LHCGR: variants seen among roughly 807,000 people sequenced by gnomAD.
The protein encoded by LHCGR is luteinizing hormone/choriogonadotropin receptor.
Under a neutral mutation model 60.7 loss-of-function variants are expected in LHCGR, and 55 were observed. The observed-to-expected ratio is 0.91, with a 90% confidence interval of 0.73 to 1.13. LHCGR has a LOEUF of 1.13. Among genes scored for constraint, LHCGR ranks in the 50% most tolerant of loss-of-function variants. The pLI is 0.00. For synonymous variants in LHCGR, 337 were observed against 316.5 expected (o/e 1.06, Z -0.69); for missense variants, 862 against 836.0 (o/e 1.03, Z -0.38).
chr2:48,718,440 CTTCTATAGTTTCCTT>C (rs1438668460), intron 6 of LHCGR, among the ~76,000 whole-genome samples: 1 of 152,144 alleles, frequency 6.6e-6, no homozygotes, highest in Non-Finnish European at 1.5e-5. Context: ...ATTAGACATT[CTTCTATAGTTTCCTT>C]TTGGATCACC....
chr2:48,748,131 A>G (rs1315914840), intron 1 of LHCGR, among the ~76,000 whole-genome samples: 1 of 152,040 alleles, frequency 6.6e-6, no homozygotes, highest in Non-Finnish European at 1.5e-5. Flanking sequence ...CTTGTTTATA[A>G]CCTTTATCTA....
At chr2:48,747,207 G>C (rs750040875) in intron 1 of LHCGR, among the ~76,000 whole-genome samples, 2 of 151,930 alleles carry the variant, frequency 1.3e-5, no homozygotes, top group Admixed American at 1.3e-4. Flanking sequence ...TCCTGCCTCA[G>C]CCTCCCAAGT....
chr2:48,752,514 C>T (rs530507558), intron 1 of LHCGR, among the ~76,000 whole-genome samples: 1 of 135,644 alleles, frequency 7.4e-6, no homozygotes, highest in East Asian at 2.1e-4. Context: ...AGACTTACCT[C>T]ATAATTTAAG....
At chr2:48,750,126 T>A (rs988805515) in intron 1 of LHCGR, among the ~76,000 whole-genome samples, 1 of 152,140 alleles carries the variant, frequency 6.6e-6, no homozygotes, top group African/African-American at 2.4e-5. Flanking sequence ...CTTTCTTAAT[T>A]CTGAGATTTT....
chr2:48,743,977 A>G (rs2103701363), intron 1 of LHCGR, among the ~76,000 whole-genome samples: 1 of 147,206 alleles, frequency 6.8e-6, no homozygotes, highest in African/African-American at 2.6e-5. Flanking sequence ...CCTTAAGCTG[A>G]TAAGCAACTT....
At chr2:48,702,474 C>T (rs1667461367) in intron 8 of LHCGR, among the ~76,000 whole-genome samples, 1 of 152,038 alleles carries the variant, frequency 6.6e-6, no homozygotes, top group South Asian at 2.1e-4. Context: ...GATGTGTTCT[C>T]ATTGATCAAC....
At chr2:48,728,687 C>T (rs1668852660) in intron 3 of LHCGR, among the ~76,000 whole-genome samples, 1 of 152,082 alleles carries the variant, frequency 6.6e-6, no homozygotes, top group Non-Finnish European at 1.5e-5. Context: ...ATCACAATAA[C>T]AACAACAAAA....
At chr2:48,708,696 A>G (rs1477738792) in intron 8 of LHCGR, 2 of 581,858 alleles carry the variant, frequency 3.4e-6, no homozygotes, top group East Asian at 5.8e-5. Context: ...GAGGGAGCCA[A>G]CCCCTGCTGA....
At position 48,725,738 on chromosome 2, in the gene LHCGR, G is replaced by A; in HGVS notation, c.321C>T (p.Asn107=). 5 of 1,611,182 alleles carry A rather than the reference G, an allele frequency of 3.1e-6. No homozygotes were observed. Among genetic ancestry groups the A allele is most frequent in the Non-Finnish European group, 4.2e-6 (5 of 1,177,696 alleles). Residue 107 remains asparagine, a synonymous_variant, in exon 4 of 11, where the codon AAC becomes AAT. Transcript: ENST00000294954. ...LLNLSEILIQ[N]TKNLRYIEPG... ...GCTCAATGTATCTCAGATTTTTGGT[G>A]TTCTGGATCAGTCTGTAAAGAGAGA...
chr2:48,741,578 A>G (rs1669455373), intron 1 of LHCGR, among the ~76,000 whole-genome samples: 1 of 151,904 alleles, frequency 6.6e-6, no homozygotes, highest in Non-Finnish European at 1.5e-5. Context: ...AGAATTTCAT[A>G]TCCAGCCAAA....
At chr2:48,729,332 G>C (rs188404327) in intron 2 of LHCGR, 105 bp from the exon 3 acceptor site, 48 of 861,340 alleles carry the variant, frequency 5.6e-5, no homozygotes, top group Admixed American at 2.1e-4. Flanking sequence ...GGACACCACT[G>C]TGTCCCCCTG....
intron 1 of LHCGR, among the ~76,000 whole-genome samples, chr2:48,749,616 C>G (rs1200038610): frequency 6.7e-6 from 1 of 149,904 alleles, no homozygotes; most frequent in Non-Finnish European, 1.5e-5. Context: ...TGCCTCATTT[C>G]AAGACATGAA....
In LHCGR at chr2:48,688,610, A is replaced by G; in HGVS notation, c.1187T>C (p.Phe396Ser). ...TGCAAAGGAGAGATTGCACATGAGA[A>G]AACGAGGCACTGTAAGTTTGTAACG... is the stretch of plus-strand genomic sequence containing the variant. ...TSRYKLTVPR[F>S]LMCNLSFADF... Residue 396 changes from phenylalanine (F) to serine (S), a missense_variant, in exon 11 of 11, where the codon TTT (phenylalanine) becomes TCT (serine). By Grantham distance (155) the Phe-to-Ser change is radical. Coordinates refer to ENST00000294954, the MANE Select transcript of LHCGR (RefSeq NM_000233.4). This position sits in a 1 kb window ranked among gnomAD's most constrained non-coding sequence, Gnocchi z 5.2. 6.2e-7 allele frequency: 1 copy of G among 1,614,228 alleles called. No individual in the cohort carries two copies. The highest frequency in any genetic ancestry group is 8.5e-7 in the Non-Finnish European group (1 of 1,180,046).
intron 9 of LHCGR, among the ~76,000 whole-genome samples, chr2:48,695,186 G>A (rs961424889): frequency 3.3e-5 from 5 of 151,980 alleles, no homozygotes; most frequent in Non-Finnish European, 7.4e-5. Context: ...ATAGATTCTG[G>A]ATATTAGACC....
intron 1 of LHCGR, among the ~76,000 whole-genome samples, chr2:48,739,732 C>T (rs1669352190): frequency 6.6e-6 from 1 of 151,896 alleles, no homozygotes; most frequent in Admixed American, 6.6e-5. Context: ...TTAATGGGCA[C>T]AGCACACCAA....
chr2:48,699,491 C>T (rs1280835332), intron 8 of LHCGR, among the ~76,000 whole-genome samples: 1 of 152,168 alleles, frequency 6.6e-6, no homozygotes, highest in Admixed American at 6.5e-5. Context: ...CATGCAGTTA[C>T]ATCAGCTTTT....
rs143864927 is a variant in LHCGR at position 48,705,539 on chromosome 2, T to G, written c.680+3409A>C. Among the ~76,000 whole-genome samples, 288 of 152,268 alleles carry G rather than the reference T, an allele frequency of 1.9e-3. 1 individual carries two copies. Among genetic ancestry groups the G allele is most frequent in the African/African-American group, 6.5e-3 (269 of 41,570 alleles). On this transcript the variant is annotated intron_variant, in intron 8 of 10. Transcript: ENST00000294954. ...TGTGGGAGTCTAAGTCTCTTCGTAG[T>G]TCTCTAAGAACTGGCTTTATGAATC...
At chr2:48,729,746 G>C (rs1428504199) in intron 2 of LHCGR, among the ~76,000 whole-genome samples, 1 of 152,172 alleles carries the variant, frequency 6.6e-6, no homozygotes, top group Non-Finnish European at 1.5e-5. Context: ...CCGTTGCAAG[G>C]TGGTCAACTC....
In LHCGR at chr2:48,687,844, A is replaced by G. The variant is rs61996315; in HGVS notation, c.1953T>C (p.Tyr651=). ...FGCCKRRAEL[Y]RRKDFSAYTS... Reference sequence around the variant, plus strand: ...TGTAAGCTGAAAAATCTTTCCTTCTATAAAGTTCAGCCCGACGTTTACAGC... The same window carrying G: ...TGTAAGCTGAAAAATCTTTCCTTCTGTAAAGTTCAGCCCGACGTTTACAGC... The change falls in exon 11 of 11, where the codon TAT becomes TAC. Residue 651 remains tyrosine (Y), a synonymous_variant. Coordinates refer to ENST00000294954, the MANE Select transcript of LHCGR (RefSeq NM_000233.4). The G allele has an allele frequency of 1.4e-4, 222 of 1,614,162 alleles. 1 individual carries two copies. In the African/African-American group the frequency reaches 2.7e-3, roughly 19 times the overall value.
Sources: allele counts gnomAD v4.1 joint callset (sites outside exome capture counted in the v4.1 genomes callset), GRCh38; gene constraint gnomAD v4.1.1; non-coding constraint Gnocchi (gnomAD v3.1); transcripts MANE v1.5; gene names NCBI Gene and HGNC (gene_info 2026-07-23, HGNC 2026-07-21).